The following DEPDC5 variants were observed in gnomAD, a reference collection of about 807,000 sequenced individuals.
The protein encoded by DEPDC5 is GATOR1 complex protein DEPDC5.
In DEPDC5, 73 loss-of-function variants were observed where a neutral mutation model predicts 217.3. That is an observed-to-expected ratio of 0.34 (90% CI 0.28 to 0.41). DEPDC5 has a LOEUF of 0.41. DEPDC5 is among the 10% of genes least tolerant of loss of function. The pLI, the probability that DEPDC5 is intolerant of heterozygous loss-of-function variation, is 1.00. For synonymous variants in DEPDC5, 733 were observed against 756.7 expected (o/e 0.97, Z 0.51); for missense variants, 1,675 against 2,070.1 (o/e 0.81, Z 3.70).
chr22:31,783,836 A>T, intron 8 of DEPDC5, 71 bp from the exon 9 acceptor site: 1 of 1,339,552 alleles, frequency 7.5e-7, no homozygotes, highest in South Asian at 1.3e-5. Flanking sequence ...AGATCTTCAG[A>T]ACTTTTTCAT....
At chr22:31,776,712 T>C (rs2083896220) in intron 7 of DEPDC5, among the ~76,000 whole-genome samples, 1 of 151,400 alleles carries the variant, frequency 6.6e-6, no homozygotes, top group Non-Finnish European at 1.5e-5. Flanking sequence ...AAGCTGAGAT[T>C]ATAGGTACCC....
At chr22:31,772,450 C>A (rs1224800565) in intron 7 of DEPDC5, among the ~76,000 whole-genome samples, 1 of 152,178 alleles carries the variant, frequency 6.6e-6, no homozygotes, top group East Asian at 1.9e-4. Flanking sequence ...ATTAGTGGTT[C>A]GAGTGATGTT....
intron 27 of DEPDC5, among the ~76,000 whole-genome samples, chr22:31,839,349 G>A (rs183452696): frequency 2.0e-5 from 3 of 152,324 alleles, no homozygotes; most frequent in Admixed American, 1.3e-4. Flanking sequence ...GTAAGTAACA[G>A]AGAATCGGTG....
At chr22:31,799,246 T>C (rs1369052869) in intron 14 of DEPDC5, among the ~76,000 whole-genome samples, 3 of 151,770 alleles carry the variant, frequency 2.0e-5, no homozygotes, top group Admixed American at 2.0e-4. Flanking sequence ...GGTTTCACCA[T>C]GTTGGCCAGC....
intron 39 of DEPDC5, among the ~76,000 whole-genome samples, 179 bp from the exon 40 acceptor site, chr22:31,897,303 A>G (rs542215564): frequency 6.6e-6 from 1 of 152,354 alleles, no homozygotes; most frequent in South Asian, 2.1e-4. Flanking sequence ...AGTATTTGTC[A>G]GGATGTTAAA....
At chr22:31,763,589 C>T (rs906998730) in intron 4 of DEPDC5, among the ~76,000 whole-genome samples, 24 of 152,020 alleles carry the variant, frequency 1.6e-4, no homozygotes, top group African/African-American at 5.3e-4. Flanking sequence ...AGACCCCAGA[C>T]GCCCAGCCCA....
intron 37 of DEPDC5, among the ~76,000 whole-genome samples, chr22:31,878,509 G>A (rs2093067667): frequency 6.6e-6 from 1 of 150,504 alleles, no homozygotes; most frequent in South Asian, 2.1e-4. Context: ...TTTAAGATCA[G>A]CCTGGGCAAG....
Position 31,768,906 on chromosome 22 carries a change from G to A in DEPDC5, c.413+43G>A, listed in dbSNP as rs991583453. On this transcript the variant is annotated intron_variant, in intron 7 of 42. Coordinates refer to ENST00000651528, the MANE Select transcript of DEPDC5 (RefSeq NM_001242896.3). ...CTTGCCTTATCTGTGCAGTAACTGGGCTACATAAAGCAGTGGAGGCGTATG... is the reference window on the plus strand; with the variant it reads ...CTTGCCTTATCTGTGCAGTAACTGGACTACATAAAGCAGTGGAGGCGTATG... 5.0e-6 allele frequency: 8 copies of A among 1,606,788 alleles called. No homozygotes were observed. In the Admixed American group the frequency reaches 1.2e-4, roughly 24 times the overall value.
chr22:31,754,949 G>A lies in DEPDC5; in HGVS notation c.28G>A (p.Val10Ile), dbSNP rs375027042. 5 of 1,614,070 alleles carry A rather than the reference G, an allele frequency of 3.1e-6. No individual in the cohort carries two copies. The highest frequency in any genetic ancestry group is 8.5e-7 in the Non-Finnish European group (1 of 1,180,044). ...GAGAACAACAAAGGTCTACAAACTC[G>A]TCATCCACAAGAAGGGCTTTGGGGG... MRTTKVYKL[V>I]IHKKGFGGSD... The change falls in exon 2 of 43, where the codon GTC becomes ATC. Residue 10 changes from valine (V) to isoleucine (I), a missense_variant. Val to Ile is a conservative substitution (Grantham distance 29, BLOSUM62 3). Coordinates refer to ENST00000651528, the MANE Select transcript of DEPDC5 (RefSeq NM_001242896.3).
In DEPDC5 at chr22:31,758,622, C is replaced by A. The variant is rs368243595; in HGVS notation, c.135C>A (p.Asn45Lys). 6.2e-7 allele frequency: 1 copy of A among 1,614,010 alleles called. No homozygotes were observed. The highest frequency in any genetic ancestry group is 8.5e-7 in the Non-Finnish European group (1 of 1,179,940). The part of the protein sequence containing the change: ...LGDIVEIAHP[N>K]DEYSPLLLQV... The stretch of plus-strand genomic sequence containing the variant: ...ACATTGTAGAGATTGCACACCCCAA[C>A]GATGAATACAGGTGAGTGTCTCATA... The change falls in exon 3 of 43, where the codon AAC becomes AAA. Residue 45 changes from asparagine (N) to lysine (K), a missense_variant. By Grantham distance (94) the Asn-to-Lys change is moderately conservative. This residue lies in a region of DEPDC5 where 628 missense variants were observed against 762.1 expected (regional missense o/e 0.82). Transcript: ENST00000651528.
intron 31 of DEPDC5, among the ~76,000 whole-genome samples, chr22:31,856,214 A>G: frequency 6.7e-6 from 1 of 150,282 alleles, no homozygotes; most frequent in South Asian, 2.1e-4. Context: ...ACACACACAC[A>G]CACACTTCAT....
rs1601875057 is a variant in DEPDC5 at position 31,792,103 on chromosome 22, G to T, written c.694+1G>T. On this transcript the variant is annotated splice_donor_variant, in intron 11 of 42. Transcript: ENST00000651528. LOFTEE classifies it high-confidence loss of function. Reference sequence around the variant, plus strand: ...ACTTTCTATGATGCAAAATCTGTTGGTGAGTAACTATTTCTCTCCTACAGT... The same window carrying T: ...ACTTTCTATGATGCAAAATCTGTTGTTGAGTAACTATTTCTCTCCTACAGT... 1 of 1,603,532 alleles carries T rather than the reference G, an allele frequency of 6.2e-7. No homozygotes were observed. The highest frequency in any genetic ancestry group is 2.2e-5 in the East Asian group (1 of 44,796).
intron 24 of DEPDC5, among the ~76,000 whole-genome samples, chr22:31,823,678 T>TA (rs1323568288): frequency 6.6e-6 from 1 of 152,234 alleles, no homozygotes; most frequent in Non-Finnish European, 1.5e-5. Flanking sequence ...ACTTTGGTTT[T>TA]ATGCTTTTTG....
chr22:31,778,246 AG>A, intron 8 of DEPDC5, 78 bp downstream of exon 8: 5 of 1,429,622 alleles, frequency 3.5e-6, no homozygotes, highest in Non-Finnish European at 4.9e-6. Flanking sequence ...AAATAAAACA[AG>A]GGCGGGGCAG....
chr22:31,781,222 C>A (rs5749332), intron 8 of DEPDC5, among the ~76,000 whole-genome samples: 139,165 of 148,514 alleles, frequency 0.94, 64,974 homozygotes, highest in East Asian at 0.97. Flanking sequence ...GTCTCAAAAA[C>A]AAACAAACAA....
At chr22:31,890,375 A>G (rs1331516207) in intron 38 of DEPDC5, 3 of 152,172 alleles carry the variant, frequency 2.0e-5, no homozygotes, top group South Asian at 2.1e-4. Context: ...GAAAAAATCA[A>G]TACAACATAG....
intron 31 of DEPDC5, among the ~76,000 whole-genome samples, chr22:31,854,292 A>G (rs146909506): frequency 2.6e-5 from 4 of 152,210 alleles, no homozygotes; most frequent in Non-Finnish European, 5.9e-5. Context: ...CAGGTGACTC[A>G]GTACATGTGG....
In DEPDC5 at chr22:31,815,345, A is replaced by G. The variant is rs1236045146; in HGVS notation, c.1666+133A>G. ...TGATTTCTTTGCCAGTGCAGTAGGT[A>G]CAAATCACTTTAGCTGTTAGCTATG... On this transcript the variant is annotated intron_variant, in intron 21 of 42. Coordinates refer to ENST00000651528, the MANE Select transcript of DEPDC5 (RefSeq NM_001242896.3). The G allele has an allele frequency of 6.7e-6, 6 of 899,628 alleles. No homozygotes were observed. In the East Asian group the frequency reaches 1.6e-4, roughly 23 times the overall value. 55.7% of individuals were successfully genotyped at this position (899,628 alleles called of 1,614,324 possible).
chr22:31,901,730 TTTTCC>T lies in DEPDC5; in HGVS notation c.4376-7_4376-3del, dbSNP rs2093652083. On this transcript the variant is annotated splice_region_variant and splice_polypyrimidine_tract_variant and intron_variant, in intron 40 of 42. Coordinates refer to ENST00000651528, the MANE Select transcript of DEPDC5 (RefSeq NM_001242896.3). ...GATCACAACCCAATATTTATTCTTA[TTTTCC>T]TTTCAGGCTTTGAACCCGAAACGTA... The T allele has an allele frequency of 6.2e-7, 1 of 1,608,516 alleles. No homozygotes were observed. Among genetic ancestry groups the T allele is most frequent in the Non-Finnish European group, 8.5e-7 (1 of 1,177,064 alleles).
Sources: gnomAD v4.1 joint callset for allele counts (sites outside exome capture counted in the v4.1 genomes callset) on GRCh38, gnomAD v4.1.1 for gene constraint, gnomAD v4.1.1 regional missense constraint, MANE v1.5 for transcripts, NCBI Gene and HGNC (gene_info 2026-07-23, HGNC 2026-07-21) for gene names.